EGF: variants seen among roughly 807,000 people sequenced by gnomAD.
EGF encodes the protein pro-epidermal growth factor.
In EGF, 95 loss-of-function variants were observed where a neutral mutation model predicts 143.8. The ratio of observed to expected loss-of-function variants is 0.66; its 90% CI spans 0.56 to 0.78. The LOEUF is 0.78. EGF is among the 30% of genes least tolerant of loss of function. EGF has a pLI of 0.00. For missense variants in EGF, 1,320 were observed against 1,470.9 expected (o/e 0.90, Z 1.68); for synonymous variants, 510 against 510.5 (o/e 1.00, Z 0.01).
intron 6 of EGF, among the ~76,000 whole-genome samples, chr4:109,960,416 G>C (rs530118904): frequency 5.6e-4 from 85 of 152,134 alleles, no homozygotes; most frequent in Non-Finnish European, 9.0e-4. Context: ...AAGCCAAGGC[G>C]GGCAGATCAC....
intron 12 of EGF, 94 bp from the exon 13 acceptor site, chr4:109,975,918 C>A: frequency 7.4e-7 from 1 of 1,344,464 alleles, no homozygotes; most frequent in Non-Finnish European, 1.1e-6. Context: ...TTTAGTATAT[C>A]ATGAGGTAAT....
chr4:109,950,421 G>T lies in EGF; in HGVS notation c.940+5146G>T, dbSNP rs149555307. Among the ~76,000 whole-genome samples the T allele has an allele frequency of 2.3e-3, 351 of 152,134 alleles. 1 individual carries two copies. The highest frequency in any genetic ancestry group is 3.6e-3 in the Non-Finnish European group (244 of 68,010). ...TCTAACCACTCTGCCCTTCCTGCAG[G>T]TTTCTCTCTCCAGCATCCTCCTGAC... On this transcript the variant is annotated intron_variant, in intron 5 of 23. Coordinates refer to ENST00000265171, the MANE Select transcript of EGF (RefSeq NM_001963.6).
chr4:110,000,989 G>A (rs895685313), intron 21 of EGF, among the ~76,000 whole-genome samples: 16 of 152,156 alleles, frequency 1.1e-4, no homozygotes, highest in Non-Finnish European at 2.2e-4. Flanking sequence ...CACTCAAGTG[G>A]CAACTGTCTT....
intron 5 of EGF, among the ~76,000 whole-genome samples, chr4:109,945,861 A>C (rs1436247810): frequency 6.6e-6 from 1 of 152,222 alleles, no homozygotes; most frequent in African/African-American, 2.4e-5. Context: ...AGCCATTGCC[A>C]GGCCGTAAGG....
chr4:109,952,015 C>G (rs769568670), intron 5 of EGF, among the ~76,000 whole-genome samples: 1 of 151,988 alleles, frequency 6.6e-6, no homozygotes, highest in Non-Finnish European at 1.5e-5. Context: ...TCTTACTTCT[C>G]CCCGGCTGTC....
At chr4:110,000,904 A>G (rs923188721) in intron 21 of EGF, among the ~76,000 whole-genome samples, 2 of 152,232 alleles carry the variant, frequency 1.3e-5, no homozygotes, top group South Asian at 2.1e-4. Context: ...ATAGGTCCCA[A>G]TTCTCTGAGA....
At chr4:109,971,569 A>G (rs1176792007) in intron 11 of EGF, among the ~76,000 whole-genome samples, 1 of 152,176 alleles carries the variant, frequency 6.6e-6, no homozygotes, top group Non-Finnish European at 1.5e-5. Flanking sequence ...CGTTCAGGAG[A>G]TAGACAGGCA....
At chr4:109,981,083 TCTC>T in intron 15 of EGF, 108 bp downstream of exon 15, 1 of 1,502,144 alleles carries the variant, frequency 6.7e-7, no homozygotes, top group Non-Finnish European at 9.2e-7. Flanking sequence ...TGTTAAAAGT[TCTC>T]CTGTTTTTAG....
At chr4:109,927,806 CGT>C (rs57788647) in intron 1 of EGF, among the ~76,000 whole-genome samples, 45,887 of 135,956 alleles carry the variant, frequency 0.34, 7,903 homozygotes, top group East Asian at 0.54. Context: ...TGAATTTTGC[CGT>C]GTGTGTGTGT....
At chr4:109,916,379 A>G (rs1736657912) in intron 1 of EGF, among the ~76,000 whole-genome samples, 1 of 152,172 alleles carries the variant, frequency 6.6e-6, no homozygotes, top group Non-Finnish European at 1.5e-5. Flanking sequence ...GTAAAGAAGC[A>G]TAAATTTTGG....
intron 1 of EGF, among the ~76,000 whole-genome samples, chr4:109,938,554 C>A (rs557467351): frequency 6.6e-6 from 1 of 152,208 alleles, no homozygotes; most frequent in Admixed American, 6.5e-5. Flanking sequence ...GTTTTGTTCC[C>A]TTGCTGGCAA....
At chr4:109,935,178 T>A (rs1740539293) in intron 1 of EGF, among the ~76,000 whole-genome samples, 1 of 152,244 alleles carries the variant, frequency 6.6e-6, no homozygotes, top group African/African-American at 2.4e-5. Context: ...CGATATTGAT[T>A]CTTCCTATCC....
chr4:110,001,922 C>G (rs532411691), intron 21 of EGF: 2 of 985,388 alleles, frequency 2.0e-6, no homozygotes, highest in South Asian at 9.4e-5. Context: ...GATCAGTGTA[C>G]CTGCTTACCT....
At chr4:109,986,767 C>T (rs969868146) in intron 16 of EGF, among the ~76,000 whole-genome samples, 14 of 151,666 alleles carry the variant, frequency 9.2e-5, no homozygotes, top group Admixed American at 5.2e-4. Context: ...AAAACCTGCT[C>T]ATGTTTATGG....
intron 4 of EGF, 143 bp downstream of exon 4, chr4:109,944,212 G>A (rs1000650335): frequency 2.7e-5 from 24 of 877,490 alleles, no homozygotes; most frequent in African/African-American, 1.3e-4. Context: ...GGCCGGGCGC[G>A]GCGGATCACG....
chr4:109,914,631 G>A (rs1299366620), intron 1 of EGF, among the ~76,000 whole-genome samples: 2 of 152,152 alleles, frequency 1.3e-5, no homozygotes, highest in Admixed American at 1.3e-4. Context: ...TATGTTCCCA[G>A]CACCTAGGAC....
intron 4 of EGF, 57 bp from the exon 5 acceptor site, chr4:109,945,016 A>G (rs940394433): frequency 7.0e-6 from 11 of 1,562,090 alleles, no homozygotes; most frequent in Middle Eastern, 2.0e-4. Context: ...GTGAAATTCT[A>G]ATAAGACAAG....
At chr4:109,972,970 G>A (rs1747895384) in intron 11 of EGF, among the ~76,000 whole-genome samples, 1 of 152,226 alleles carries the variant, frequency 6.6e-6, no homozygotes, top group Non-Finnish European at 1.5e-5. Context: ...GCCCTCAAGA[G>A]CAAGGTGAGA....
At chr4:109,996,241 A>G (rs1751777335) in intron 20 of EGF, among the ~76,000 whole-genome samples, 1 of 152,192 alleles carries the variant, frequency 6.6e-6, no homozygotes, top group Non-Finnish European at 1.5e-5. Context: ...GGATCTGATA[A>G]CATCCATTTA....
Sources: gnomAD v4.1 joint callset for allele counts (sites outside exome capture counted in the v4.1 genomes callset) on GRCh38, gnomAD v4.1.1 for gene constraint, MANE v1.5 for transcripts, NCBI Gene and HGNC (gene_info 2026-07-23, HGNC 2026-07-21) for gene names.